The following GPAT4 variants were observed in gnomAD, a reference collection of about 807,000 sequenced individuals.
GPAT4 encodes the protein glycerol-3-phosphate acyltransferase 4, also known as 1-AGP acyltransferase 6.
In GPAT4, 17 loss-of-function variants were observed where a neutral mutation model predicts 58.0. The observed-to-expected ratio is 0.29, with a 90% confidence interval of 0.20 to 0.44. The LOEUF (loss-of-function observed/expected upper bound fraction) is 0.44. Ranked by LOEUF, GPAT4 falls within the 20% of genes least tolerant of loss-of-function variation. The pLI is 1.00. For synonymous variants in GPAT4, 204 were observed against 210.1 expected, an observed-to-expected ratio of 0.97 and a Z score of 0.25; for missense variants, 377 against 574.5, an observed-to-expected ratio of 0.66 and a Z score of 3.51.
Position 41,599,025 on chromosome 8 carries a change from G to T in GPAT4, c.-115G>T. The T allele has an allele frequency of 7.4e-7, 1 of 1,359,134 alleles. No individual in the cohort carries two copies. Among genetic ancestry groups the T allele is most frequent in the Non-Finnish European group, 1.0e-6 (1 of 997,572 alleles). The allele number at this position is 1,359,134 out of a possible 1,614,324, so 84.2% of individuals were successfully genotyped here. A position where few individuals can be genotyped will look rare whatever the true frequency, so the allele number is the denominator to read the frequency against. On this transcript the variant is annotated 5_prime_UTR_variant, in exon 2 of 13. Coordinates refer to ENST00000396987, the MANE Select transcript of GPAT4 (RefSeq NM_178819.4). ...GGGTGTGGACTTTGGAATGGGGTTT[G>T]CTGTTCTTCGGGAACTTGCTTCCTT...
intron 10 of GPAT4, 109 bp downstream of exon 10, chr8:41,615,157 C>T (rs1803557699): frequency 2.0e-6 from 2 of 988,906 alleles, no homozygotes; most frequent in East Asian, 5.2e-5. Context: ...TGGTCGATGC[C>T]CTCAGCAGAG....
At chr8:41,618,576 AC>A in intron 10 of GPAT4, 107 bp from the exon 11 acceptor site, 1 of 1,397,812 alleles carries the variant, frequency 7.2e-7, no homozygotes. Context: ...AGGGAGCAGC[AC>A]CCCAGTACCA....
intron 1 of GPAT4, among the ~76,000 whole-genome samples, chr8:41,589,462 AG>A (rs1173587790): frequency 6.6e-6 from 1 of 152,140 alleles, no homozygotes; most frequent in Non-Finnish European, 1.5e-5. Context: ...TCTTCCTATA[AG>A]GGGCAGATAG....
chr8:41,605,546 TTTTG>T (rs145318528), intron 2 of GPAT4, among the ~76,000 whole-genome samples: 27,909 of 150,716 alleles, frequency 0.19, 2,662 homozygotes, highest in East Asian at 0.25. Flanking sequence ...GAAGGTTGTG[TTTTG>T]TTTGTTTGTT....
intron 2 of GPAT4, among the ~76,000 whole-genome samples, chr8:41,605,197 G>T (rs1053279136): frequency 6.6e-6 from 1 of 152,204 alleles, no homozygotes; most frequent in Non-Finnish European, 1.5e-5. Flanking sequence ...ATGCACATAG[G>T]GGTAAGTTCT....
intron 1 of GPAT4, among the ~76,000 whole-genome samples, chr8:41,585,529 T>C (rs1585648135): frequency 2.6e-5 from 4 of 152,334 alleles, no homozygotes; most frequent in Admixed American, 2.6e-4. Flanking sequence ...TTTATGGTGA[T>C]GATTAGTAGT....
intron 2 of GPAT4, among the ~76,000 whole-genome samples, chr8:41,599,591 CTCT>C (rs143881244): frequency 0.016 from 2,440 of 152,342 alleles, 39 homozygotes; most frequent in Middle Eastern, 0.048. Context: ...CAATCTCTGT[CTCT>C]TCTTGCATAA....
At chr8:41,612,326 G>C in intron 7 of GPAT4, 53 bp downstream of exon 7, 1 of 1,587,192 alleles carries the variant, frequency 6.3e-7, no homozygotes, top group Admixed American at 1.7e-5. Flanking sequence ...CTTTAGAGTG[G>C]TCAGGGCTAG....
At chr8:41,612,416 G>A (rs1237042372) in intron 7 of GPAT4, 143 bp downstream of exon 7, 11 of 806,904 alleles carry the variant, frequency 1.4e-5, no homozygotes, top group East Asian at 2.6e-5. Context: ...GGGCTCTGTG[G>A]GACTGTGATA....
At chr8:41,597,042 C>T (rs1475559598) in intron 1 of GPAT4, among the ~76,000 whole-genome samples, 4 of 152,166 alleles carry the variant, frequency 2.6e-5, no homozygotes, top group Non-Finnish European at 5.9e-5. Flanking sequence ...CTTTTCCATA[C>T]AGTGTCTGAA....
intron 3 of GPAT4, 63 bp from the exon 4 acceptor site, chr8:41,609,592 T>C: frequency 6.2e-7 from 1 of 1,602,286 alleles, no homozygotes; most frequent in Non-Finnish European, 8.5e-7. Context: ...GGATGTGTGC[T>C]CTGAGTATGT....
intron 1 of GPAT4, among the ~76,000 whole-genome samples, chr8:41,593,961 A>G (rs370253544): frequency 5.0e-4 from 76 of 152,270 alleles, no homozygotes; most frequent in African/African-American, 1.3e-3. Flanking sequence ...ATATTTGACA[A>G]TGCTTCCTGG....
chr8:41,614,440 A>G lies in GPAT4; in HGVS notation c.966A>G (p.Glu322=). 1 of 1,614,108 alleles carries G rather than the reference A, an allele frequency of 6.2e-7. No individual in the cohort carries two copies. Among genetic ancestry groups the G allele is most frequent in the African/African-American group, 1.3e-5 (1 of 75,058 alleles). Residue 322 remains glutamate (E), a splice_region_variant and synonymous_variant, in exon 9 of 13, where the codon GAA becomes GAG. Coordinates refer to ENST00000396987, the MANE Select transcript of GPAT4 (RefSeq NM_178819.4). The part of the protein sequence containing the change: ...KSKLPILIFP[E]GTCINNTSVM... ...AGCTGCCTATCCTCATCTTCCCAGA[A>G]GGTAAGAAGGGGTTGGTTGCCACGA...
chr8:41,588,608 A>G (rs1802713961), intron 1 of GPAT4, among the ~76,000 whole-genome samples: 1 of 151,916 alleles, frequency 6.6e-6, no homozygotes, highest in African/African-American at 2.4e-5. Flanking sequence ...TGAAATTACA[A>G]CTTTTTGTGT....
intron 1 of GPAT4, among the ~76,000 whole-genome samples, chr8:41,580,397 C>T (rs1411087177): frequency 2.0e-5 from 3 of 152,158 alleles, no homozygotes; most frequent in African/African-American, 7.2e-5. Flanking sequence ...CCTTTCATGC[C>T]ATTAATAGGT....
chr8:41,605,199 G>A (rs1803224970), intron 2 of GPAT4, among the ~76,000 whole-genome samples: 1 of 152,214 alleles, frequency 6.6e-6, no homozygotes, highest in South Asian at 2.1e-4. Context: ...GCACATAGGG[G>A]TAAGTTCTGG....
intron 8 of GPAT4, 148 bp from the exon 9 acceptor site, chr8:41,614,238 T>G: frequency 3.2e-6 from 2 of 619,612 alleles, no homozygotes; most frequent in Non-Finnish European, 5.4e-6. Context: ...TTGATGAGCA[T>G]TAGATTATGG....
chr8:41,621,054 C>T lies in GPAT4; in HGVS notation c.*53C>T. ...GTGCGGGGTGCCAACGGGCTCAGAG[C>T]TGGAGTTGCCGCCGCCGCCCCCACT... On this transcript the variant is annotated 3_prime_UTR_variant, in exon 13 of 13. Transcript: ENST00000396987. 1 of 1,546,914 alleles carries T rather than the reference C, an allele frequency of 6.5e-7. No homozygotes were observed. The highest frequency in any genetic ancestry group is 1.4e-5 in the African/African-American group (1 of 73,086).
At chr8:41,579,204 C>CT (rs1032701828) in intron 1 of GPAT4, among the ~76,000 whole-genome samples, 2 of 152,168 alleles carry the variant, frequency 1.3e-5, no homozygotes, top group Non-Finnish European at 1.5e-5. Context: ...CTTTTCTTTT[C>CT]TTTTTTAACT....
Sources: gnomAD v4.1 joint callset for allele counts (sites outside exome capture counted in the v4.1 genomes callset) on GRCh38, gnomAD v4.1.1 for gene constraint, MANE v1.5 for transcripts, NCBI Gene and HGNC (gene_info 2026-07-23, HGNC 2026-07-21) for gene names.